The following DSCAML1 variants were observed in gnomAD, a reference collection of about 807,000 sequenced individuals.
The protein encoded by DSCAML1 is DS cell adhesion molecule like 1, also known as cell adhesion molecule DSCAML1.
A neutral mutation model predicts 200.5 loss-of-function variants in DSCAML1; 38 were observed. That is an observed-to-expected ratio of 0.19 (90% confidence interval 0.15 to 0.25). DSCAML1 has a LOEUF of 0.25. Among genes scored for constraint, DSCAML1 ranks in the 10% least tolerant of loss-of-function variants. DSCAML1 has a pLI of 1.00. For synonymous variants in DSCAML1, 1,215 were observed against 1,165.0 expected (o/e 1.04, Z -0.87); for missense variants, 2,223 against 2,858.8 (o/e 0.78, Z 5.07).
intron 3 of DSCAML1, among the ~76,000 whole-genome samples, chr11:117,711,389 C>A (rs924398897): frequency 3.3e-5 from 5 of 152,194 alleles, no homozygotes; most frequent in African/African-American, 1.2e-4. Context: ...TTGCAGAAGT[C>A]CCTGAAGGGA....
At chr11:117,669,741 C>T (rs1401913010) in intron 3 of DSCAML1, among the ~76,000 whole-genome samples, 1 of 152,184 alleles carries the variant, frequency 6.6e-6, no homozygotes, top group African/African-American at 2.4e-5. Context: ...TGAGATGGAG[C>T]CAAATGTGAA....
chr11:117,729,536 C>T (rs530361740), intron 3 of DSCAML1, among the ~76,000 whole-genome samples: 16 of 152,280 alleles, frequency 1.1e-4, no homozygotes, highest in African/African-American at 2.6e-4. Context: ...TGATAAAGGA[C>T]TTGTGTGTAG....
intron 3 of DSCAML1, among the ~76,000 whole-genome samples, chr11:117,647,303 C>T (rs1347887446): frequency 2.0e-5 from 3 of 152,178 alleles, no homozygotes; most frequent in Non-Finnish European, 4.4e-5. Context: ...TTAGCAAAGC[C>T]TTGAATTGAG....
intron 3 of DSCAML1, among the ~76,000 whole-genome samples, chr11:117,558,840 A>G (rs2050605794): frequency 1.3e-5 from 2 of 152,220 alleles, no homozygotes; most frequent in Non-Finnish European, 2.9e-5. Context: ...TAACAGAACA[A>G]AAATTTTACA....
At chr11:117,753,519 C>T (rs1404831281) in intron 3 of DSCAML1, among the ~76,000 whole-genome samples, 1 of 152,228 alleles carries the variant, frequency 6.6e-6, no homozygotes, top group Admixed American at 6.5e-5. Context: ...CAAAGTTTCA[C>T]AAGGCCACGT....
Position 117,458,797 on chromosome 11 carries a change from G to C in DSCAML1, c.3525C>G (p.Asp1175Glu), listed in dbSNP as rs755969931. The change falls in exon 19 of 33, where the codon GAC (aspartate) becomes GAG (glutamate). Residue 1175 changes from aspartate to glutamate, a missense_variant. By Grantham distance (45) the Asp-to-Glu change is conservative. Transcript: ENST00000651296. The stretch of plus-strand genomic sequence containing the variant: ...TGTAGAGCACACTGCTGCGTACGCC[G>C]TCCCCAGCCTGGGTGTAGGCCAGCA... The part of the protein sequence containing the change: ...VQVLAYTQAG[D>E]GVRSSVLYIQ... 6.2e-7 allele frequency: 1 copy of C among 1,613,910 alleles called. No individual in the cohort carries two copies. Among genetic ancestry groups the C allele is most frequent in the Non-Finnish European group, 8.5e-7 (1 of 1,180,000 alleles).
chr11:117,454,431 T>C (rs1253815017), intron 19 of DSCAML1, among the ~76,000 whole-genome samples: 1 of 152,280 alleles, frequency 6.6e-6, no homozygotes, highest in African/African-American at 2.4e-5. Flanking sequence ...CTGTGTTTAA[T>C]GTGTTATTAA....
Position 117,480,136 on chromosome 11 carries a change from T to A in DSCAML1, c.2785+307A>T, listed in dbSNP as rs993865567. On this transcript the variant is annotated intron_variant, in intron 14 of 32. Coordinates refer to ENST00000651296, the MANE Select transcript of DSCAML1 (RefSeq NM_020693.4). This position sits in a 1 kb window ranked among gnomAD's most constrained non-coding sequence, Gnocchi z 4.1. ...GCCAGAGACAGCCCACAGCCCTGGG[T>A]TCAGTGCCCTTACATGGCTTCAAAT... is the stretch of plus-strand genomic sequence containing the variant. Among the ~76,000 whole-genome samples, 1 of 152,088 alleles carries A rather than the reference T, an allele frequency of 6.6e-6. No homozygotes were observed. Among genetic ancestry groups the A allele is most frequent in the Non-Finnish European group, 1.5e-5 (1 of 67,994 alleles).
chr11:117,578,286 C>CATG (rs1337839773), intron 3 of DSCAML1, among the ~76,000 whole-genome samples: 1 of 150,012 alleles, frequency 6.7e-6, no homozygotes, highest in Non-Finnish European at 1.5e-5. Flanking sequence ...TCTTGGCTTC[C>CATG]ATGACACCAG....
At chr11:117,711,034 C>G (rs2053839519) in intron 3 of DSCAML1, among the ~76,000 whole-genome samples, 2 of 152,196 alleles carry the variant, frequency 1.3e-5, no homozygotes, top group African/African-American at 4.8e-5. Context: ...GCCAGTAACT[C>G]AGGCTTTGCT....
chr11:117,450,479 G>T, intron 20 of DSCAML1, 70 bp downstream of exon 20: 4 of 1,557,096 alleles, frequency 2.6e-6, no homozygotes, highest in Non-Finnish European at 3.5e-6. Flanking sequence ...TGGCCTGGAA[G>T]CCGGCTGATG....
At position 117,642,200 on chromosome 11, in the gene DSCAML1, G is replaced by A. The variant is rs1001122173; in HGVS notation, c.512-109678C>T. Among the ~76,000 whole-genome samples the A allele has an allele frequency of 2.0e-5, 3 of 152,188 alleles. No homozygotes were observed. The highest frequency in any genetic ancestry group is 7.2e-5 in the African/African-American group (3 of 41,464). On this transcript the variant is annotated intron_variant, in intron 3 of 32. Transcript: ENST00000651296. This position sits in a 1 kb window ranked among gnomAD's most constrained non-coding sequence, Gnocchi z 4.1. Reference sequence around the variant, plus strand: ...AGCAGACGGCATGACTTAGGCTCCTGCGGTATCTGAGTCTCTAGCCCACTT... The same window carrying A: ...AGCAGACGGCATGACTTAGGCTCCTACGGTATCTGAGTCTCTAGCCCACTT...
chr11:117,676,018 C>T (rs1015803073), intron 3 of DSCAML1, among the ~76,000 whole-genome samples: 4 of 152,140 alleles, frequency 2.6e-5, no homozygotes, highest in East Asian at 1.9e-4. Context: ...ATAGCACTTT[C>T]GAGCTGCAGT....
chr11:117,645,128 G>T (rs2052496893), intron 3 of DSCAML1, among the ~76,000 whole-genome samples: 2 of 152,228 alleles, frequency 1.3e-5, no homozygotes, highest in Non-Finnish European at 2.9e-5. Context: ...GAAGGAAAAT[G>T]CTTTCCATGA....
chr11:117,736,851 C>T lies in DSCAML1; in HGVS notation c.511+39940G>A, dbSNP rs1189793236. 4.6e-5 allele frequency among the ~76,000 whole-genome samples: 7 copies of T among 152,322 alleles called. No homozygotes were observed. In the South Asian group the frequency reaches 8.3e-4, roughly 18 times the overall value. ...AACAACTGTGAATTGTAGGTCCCTC[C>T]GTGTGGGATTCACAGCCCATTTCTC... On this transcript the variant is annotated intron_variant, in intron 3 of 32. Coordinates refer to ENST00000651296, the MANE Select transcript of DSCAML1 (RefSeq NM_020693.4).
At chr11:117,579,245 C>T (rs976292742) in intron 3 of DSCAML1, among the ~76,000 whole-genome samples, 1 of 152,182 alleles carries the variant, frequency 6.6e-6, no homozygotes, top group East Asian at 1.9e-4. Context: ...AGCATGTCAT[C>T]CCCTCCAGAG....
chr11:117,472,946 T>C (rs2048713872), intron 14 of DSCAML1, among the ~76,000 whole-genome samples: 1 of 152,156 alleles, frequency 6.6e-6, no homozygotes, highest in Admixed American at 6.5e-5. Flanking sequence ...AATAACTGTT[T>C]TGGCACCTTA....
chr11:117,539,640 G>C (rs1053509332), intron 3 of DSCAML1, among the ~76,000 whole-genome samples: 10 of 108,662 alleles, frequency 9.2e-5, no homozygotes, highest in African/African-American at 3.0e-4. Flanking sequence ...AGGAATAAAG[G>C]TCTAATTAGC....
rs3741283 is a variant in DSCAML1, at chr11:117,428,323, G to A, written c.*5C>T. ...GTCCAGGCGTGGCTGCTCTTCCTGC[G>A]GGCCCTACACCAGGGTGTAGGATTT... On this transcript the variant is annotated 3_prime_UTR_variant, in exon 33 of 33. Coordinates refer to ENST00000651296, the MANE Select transcript of DSCAML1 (RefSeq NM_020693.4). The A allele has an allele frequency of 7.4e-6, 11 of 1,482,006 alleles. No individual in the cohort carries two copies. Among genetic ancestry groups the A allele is most frequent in the Non-Finnish European group, 1.0e-5 (11 of 1,073,080 alleles). The allele number at this position is 1,482,006 out of a possible 1,614,324, so 91.8% of individuals were successfully genotyped here.
Sources: allele counts gnomAD v4.1 joint callset (sites outside exome capture counted in the v4.1 genomes callset), GRCh38; gene constraint gnomAD v4.1.1; non-coding constraint Gnocchi (gnomAD v3.1); transcripts MANE v1.5; gene names NCBI Gene and HGNC (gene_info 2026-07-23, HGNC 2026-07-21).